The following DYNC1LI1 variants were observed in gnomAD, a reference collection of about 807,000 sequenced individuals.
DYNC1LI1 encodes cytoplasmic dynein 1 light intermediate chain 1.
Under a neutral mutation model 63.8 loss-of-function variants are expected in DYNC1LI1, and 19 were observed. That is an observed-to-expected ratio of 0.30 (90% CI 0.21 to 0.44). DYNC1LI1 has a LOEUF of 0.44. Among genes scored for constraint, DYNC1LI1 ranks in the 20% least tolerant of loss-of-function variants. The pLI, the probability that DYNC1LI1 is intolerant of heterozygous loss-of-function variation, is 1.00. For missense variants in DYNC1LI1, 565 were observed against 630.2 expected (o/e 0.90, Z 1.11); for synonymous variants, 225 against 232.3 (o/e 0.97, Z 0.28).
chr3:32,532,800 T>G, intron 8 of DYNC1LI1, 186 bp downstream of exon 8: 1 of 1,028,558 alleles, frequency 9.7e-7, no homozygotes, highest in Non-Finnish European at 1.3e-6. Flanking sequence ...GCTGAATAGC[T>G]GATTTCTATT....
intron 2 of DYNC1LI1, among the ~76,000 whole-genome samples, chr3:32,560,109 C>T (rs1453256560): frequency 6.6e-6 from 1 of 152,130 alleles, no homozygotes; most frequent in Non-Finnish European, 1.5e-5. Context: ...TCAAGGGGTG[C>T]CTGTAGAGCG....
chr3:32,530,171 A>G, intron 10 of DYNC1LI1, 113 bp downstream of exon 10: 1 of 870,856 alleles, frequency 1.1e-6, no homozygotes, highest in Non-Finnish European at 1.7e-6. Context: ...AGAATTCTGA[A>G]TTCAAGTTTA....
chr3:32,559,801 T>C (rs1698165847), intron 2 of DYNC1LI1, among the ~76,000 whole-genome samples: 1 of 152,212 alleles, frequency 6.6e-6, no homozygotes, highest in Non-Finnish European at 1.5e-5. Context: ...CATTTTTGAT[T>C]TGGACTTATA....
At chr3:32,567,287 A>G (rs1319874859) in intron 2 of DYNC1LI1, among the ~76,000 whole-genome samples, 1 of 152,096 alleles carries the variant, frequency 6.6e-6, no homozygotes, top group Non-Finnish European at 1.5e-5. Context: ...CAGGGAGGAG[A>G]GAGGAGGTGA....
chr3:32,545,699 A>G, intron 3 of DYNC1LI1, 150 bp downstream of exon 3: 1 of 677,918 alleles, frequency 1.5e-6, no homozygotes, highest in Non-Finnish European at 2.6e-6. Context: ...AAATTAATAA[A>G]AGTATGGCTA....
chr3:32,561,626 C>T (rs1257155946), intron 2 of DYNC1LI1, among the ~76,000 whole-genome samples: 1 of 148,406 alleles, frequency 6.7e-6, no homozygotes, highest in Non-Finnish European at 1.5e-5. Flanking sequence ...GAGACTTCAT[C>T]TCAAAAAAAA....
chr3:32,565,028 T>C (rs939168030), intron 2 of DYNC1LI1, among the ~76,000 whole-genome samples: 33 of 152,230 alleles, frequency 2.2e-4, no homozygotes, highest in African/African-American at 7.5e-4. Context: ...ATGTTCAGCA[T>C]TTTGTGGGAC....
At chr3:32,531,346 T>G (rs760291723) in intron 8 of DYNC1LI1, 1 of 152,598 alleles carries the variant, frequency 6.6e-6, no homozygotes, top group Non-Finnish European at 1.5e-5. Context: ...ACACTTTTAG[T>G]TCCCCCTGCC....
chr3:32,563,346 G>A (rs113858552), intron 2 of DYNC1LI1, among the ~76,000 whole-genome samples: 3,824 of 148,384 alleles, frequency 0.026, 186 homozygotes, highest in African/African-American at 0.09. Context: ...GCTGGAGTGC[G>A]GTGGCACGAT....
chr3:32,544,639 G>T (rs533888240), intron 4 of DYNC1LI1, among the ~76,000 whole-genome samples: 20 of 151,796 alleles, frequency 1.3e-4, no homozygotes, highest in African/African-American at 4.8e-4. Context: ...ATGGTGGCAG[G>T]TGCCCGTAAT....
chr3:32,563,490 T>C (rs1180220860), intron 2 of DYNC1LI1, among the ~76,000 whole-genome samples: 2 of 151,976 alleles, frequency 1.3e-5, no homozygotes, highest in African/African-American at 2.4e-5. Flanking sequence ...TGGGGTTTCA[T>C]CATGTTGGCC....
At chr3:32,534,813 T>C (rs1266309133) in intron 6 of DYNC1LI1, among the ~76,000 whole-genome samples, 167 bp from the exon 7 acceptor site, 1 of 152,186 alleles carries the variant, frequency 6.6e-6, no homozygotes, top group Non-Finnish European at 1.5e-5. Context: ...AATACTACCT[T>C]CATATGGGCT....
At chr3:32,537,971 T>TAATTTATATATAATATATATATATA (rs58724831) in intron 5 of DYNC1LI1, among the ~76,000 whole-genome samples, 1 of 34,902 alleles carries the variant, frequency 2.9e-5, no homozygotes, top group Non-Finnish European at 4.6e-5. Flanking sequence ...AATATATATA[T>TAATTTATATATAATATATATATATA]ATTTATATAT....
intron 11 of DYNC1LI1, among the ~76,000 whole-genome samples, chr3:32,529,241 T>C (rs1210557634): frequency 1.3e-5 from 2 of 152,170 alleles, no homozygotes; most frequent in African/African-American, 4.8e-5. Context: ...ATGCATATAG[T>C]TTTTTCCTTT....
intron 5 of DYNC1LI1, among the ~76,000 whole-genome samples, chr3:32,538,640 G>A (rs769935797): frequency 5.9e-5 from 9 of 151,908 alleles, no homozygotes; most frequent in African/African-American, 9.7e-5. Flanking sequence ...GGCGGAGCTC[G>A]CTGTGAGCCA....
chr3:32,531,847 T>C (rs186411038), intron 8 of DYNC1LI1: 4 of 152,294 alleles, frequency 2.6e-5, no homozygotes, highest in East Asian at 1.9e-4. Context: ...TCATCCGAAA[T>C]GCTTGCGACC....
chr3:32,552,512 T>A (rs576435474), intron 2 of DYNC1LI1, among the ~76,000 whole-genome samples: 1 of 152,224 alleles, frequency 6.6e-6, no homozygotes, highest in South Asian at 2.1e-4. Flanking sequence ...ATTCTTTATT[T>A]TTTTTTCCAC....
At chr3:32,570,278 A>G in intron 2 of DYNC1LI1, 68 bp downstream of exon 2, 4 of 1,284,398 alleles carry the variant, frequency 3.1e-6, no homozygotes, top group Non-Finnish European at 4.4e-6. Flanking sequence ...CCAGCGAGCT[A>G]GCCCGCGGAC....
chr3:32,544,894 T>G lies in DYNC1LI1; in HGVS notation c.550A>C (p.Lys184Gln), dbSNP rs1289263661. ...DKLKIPPEEM[K>Q]QMEQKLIRDF... ...TACTTACACTTTTGTTCCATTTGTT[T>G]CATTTCTTCAGGAGGGATTTTCAGT... The change falls in exon 4 of 13, where the codon AAA becomes CAA. Residue 184 changes from lysine (K) to glutamine (Q), a missense_variant. Coordinates refer to ENST00000273130, the MANE Select transcript of DYNC1LI1 (RefSeq NM_016141.4). 2.5e-6 allele frequency: 4 copies of G among 1,611,696 alleles called. No homozygotes were observed. Among genetic ancestry groups the G allele is most frequent in the Non-Finnish European group, 3.4e-6 (4 of 1,177,972 alleles).
Sources: allele counts gnomAD v4.1 joint callset (sites outside exome capture counted in the v4.1 genomes callset), GRCh38; gene constraint gnomAD v4.1.1; transcripts MANE v1.5; gene names NCBI Gene and HGNC (gene_info 2026-07-23, HGNC 2026-07-21).